DAB1: variants seen among roughly 807,000 people sequenced by gnomAD.
DAB1 encodes disabled homolog 1.
A neutral mutation model predicts 64.6 loss-of-function variants in DAB1; 15 were observed. That is an observed-to-expected ratio of 0.23 (90% confidence interval 0.16 to 0.36). The LOEUF (loss-of-function observed/expected upper bound fraction) is 0.36. Ranked by LOEUF, DAB1 falls within the 10% of genes least tolerant of loss-of-function variation. The pLI is 1.00. For synonymous variants in DAB1, 235 were observed against 251.9 expected, an observed-to-expected ratio of 0.93 and a Z score of 0.64; for missense variants, 596 against 706.7, an observed-to-expected ratio of 0.84 and a Z score of 1.78.
rs182547432 is a variant in DAB1 at position 57,724,518 on chromosome 1, C to T, written n.552-74853G>A. Among the ~76,000 whole-genome samples the T allele has an allele frequency of 2.6e-3, 397 of 152,288 alleles. 1 individual carries two copies. The highest frequency in any genetic ancestry group is 3.1e-3 in the Non-Finnish European group (214 of 68,024). On this transcript the variant is annotated intron_variant and non_coding_transcript_variant, in intron 6 of 20. Transcript: ENST00000485760. ...GAGAATGCCTATTAACTTTTGCATGCTCCCTGCATCAAACCAGGAGTGAAA... is the reference window on the plus strand; with the variant it reads ...GAGAATGCCTATTAACTTTTGCATGTTCCCTGCATCAAACCAGGAGTGAAA...
chr1:57,592,523 A>G (rs1020567862), intron 7 of DAB1, among the ~76,000 whole-genome samples: 2 of 152,202 alleles, frequency 1.3e-5, no homozygotes, highest in African/African-American at 2.4e-5. Flanking sequence ...ATTGGTTGCC[A>G]CATTAGTGAG....
At position 57,550,467 on chromosome 1, in the gene DAB1, C is replaced by T. The variant is rs1644901915; in HGVS notation, n.625+99125G>A. Among the ~76,000 whole-genome samples the T allele has an allele frequency of 2.0e-5, 3 of 152,138 alleles. No homozygotes were observed. The South Asian group carries it at 6.2e-4, about 31-fold the overall frequency. On this transcript the variant is annotated intron_variant and non_coding_transcript_variant, in intron 7 of 20. Transcript: ENST00000485760. ...CTGACCTTTTATACACTCCCCTCTA[C>T]TGAGTATTCACACCTTCAGATCTTT...
intron 3 of DAB1, among the ~76,000 whole-genome samples, chr1:58,357,814 C>T (rs1644125313): frequency 6.6e-6 from 1 of 151,734 alleles, no homozygotes; most frequent in Non-Finnish European, 1.5e-5. Flanking sequence ...CCTGTGAAAT[C>T]CAACATCTAT....
At chr1:58,422,976 T>A (rs1644786897) in intron 3 of DAB1, among the ~76,000 whole-genome samples, 1 of 152,044 alleles carries the variant, frequency 6.6e-6, no homozygotes, top group Admixed American at 6.6e-5. Flanking sequence ...GATAGGTAAG[T>A]TTTATCTTTT....
intron 5 of DAB1, among the ~76,000 whole-genome samples, chr1:57,965,939 G>T (rs1044210985): frequency 7.4e-6 from 1 of 135,622 alleles, no homozygotes; most frequent in Non-Finnish European, 1.5e-5. Flanking sequence ...TTTAAATGGC[G>T]GGGGGGGAGA....
chr1:57,576,679 T>C (rs1645253329), intron 7 of DAB1, among the ~76,000 whole-genome samples: 2 of 152,204 alleles, frequency 1.3e-5, no homozygotes, highest in Non-Finnish European at 2.9e-5. Flanking sequence ...AGATTCAATT[T>C]GAGGTACTTT....
chr1:57,705,874 G>GTTT (rs11375591), intron 6 of DAB1, among the ~76,000 whole-genome samples: 2,086 of 144,770 alleles, frequency 0.014, 61 homozygotes, highest in African/African-American at 0.049. Context: ...CAATACTAGG[G>GTTT]TTTTTTTTTT....
intron 5 of DAB1, among the ~76,000 whole-genome samples, chr1:57,927,353 T>C (rs1010486426): frequency 6.6e-6 from 1 of 152,014 alleles, no homozygotes; most frequent in Non-Finnish European, 1.5e-5. Context: ...AAGTGAACCA[T>C]AACCACCAGG....
At chr1:58,197,248 G>A (rs1657726944) in intron 4 of DAB1, among the ~76,000 whole-genome samples, 1 of 152,164 alleles carries the variant, frequency 6.6e-6, no homozygotes, top group Non-Finnish European at 1.5e-5. Context: ...TCTATTGAAA[G>A]CCTGGACCAG....
intron 1 of DAB1, among the ~76,000 whole-genome samples, chr1:57,343,581 C>T (rs1283979035): frequency 6.6e-6 from 1 of 152,210 alleles, no homozygotes; most frequent in African/African-American, 2.4e-5. Context: ...GCTGCAGGTC[C>T]CGAGCCCTGC....
intron 6 of DAB1, among the ~76,000 whole-genome samples, chr1:57,661,844 G>C (rs1345844083): frequency 1.3e-5 from 2 of 151,904 alleles, no homozygotes; most frequent in Non-Finnish European, 2.9e-5. Context: ...TTCGTGGTTG[G>C]TGGGACCTGC....
At chr1:57,785,265 G>A (rs1021661107) in intron 6 of DAB1, among the ~76,000 whole-genome samples, 1 of 152,108 alleles carries the variant, frequency 6.6e-6, no homozygotes, top group Admixed American at 6.6e-5. Flanking sequence ...ATGGATATGT[G>A]CAAGGAGATG....
intron 3 of DAB1, among the ~76,000 whole-genome samples, chr1:58,416,465 G>T (rs144506069): frequency 1.3e-5 from 2 of 152,274 alleles, no homozygotes; most frequent in African/African-American, 4.8e-5. Flanking sequence ...TGATAAAGGT[G>T]TGGTAATTGT....
chr1:57,176,633 T>C (rs1169961943), intron 2 of DAB1, among the ~76,000 whole-genome samples: 1 of 152,128 alleles, frequency 6.6e-6, no homozygotes, highest in Admixed American at 6.5e-5. Flanking sequence ...TGGTACATGA[T>C]ATGTAAAATC....
chr1:57,912,733 A>C (rs879650105), intron 5 of DAB1, among the ~76,000 whole-genome samples: 1 of 152,234 alleles, frequency 6.6e-6, no homozygotes, highest in Non-Finnish European at 1.5e-5. Flanking sequence ...CTGATAAGCA[A>C]CTTCAGCAAA....
intron 4 of DAB1, among the ~76,000 whole-genome samples, chr1:58,159,404 T>A (rs1055025322): frequency 2.6e-5 from 4 of 152,174 alleles, no homozygotes; most frequent in Admixed American, 6.5e-5. Flanking sequence ...TTCCTATATA[T>A]GAGGCCCAAG....
chr1:57,761,968 G>C (rs992930428), intron 6 of DAB1, among the ~76,000 whole-genome samples: 1 of 152,134 alleles, frequency 6.6e-6, no homozygotes, highest in Admixed American at 6.5e-5. Flanking sequence ...TACCCACCGT[G>C]CCCACAGAAC....
rs538920354 is a variant in DAB1 at position 57,851,725 on chromosome 1, C to T, written n.88-25270G>A. 2.0e-5 allele frequency among the ~76,000 whole-genome samples: 3 copies of T among 152,322 alleles called. No homozygotes were observed. The East Asian group carries it at 5.8e-4, about 29-fold the overall frequency. The stretch of plus-strand genomic sequence containing the variant: ...TTCATTCTCTGGCTTCTGATGTTCT[C>T]CCAGTGCTGGTGGTGTGAAAGCTCC... On this transcript the variant is annotated intron_variant and non_coding_transcript_variant, in intron 1 of 1. Transcript: ENST00000477280.
At chr1:57,290,021 G>A (rs1367001386) in intron 2 of DAB1, among the ~76,000 whole-genome samples, 1 of 152,180 alleles carries the variant, frequency 6.6e-6, no homozygotes, top group Non-Finnish European at 1.5e-5. Context: ...AGATATCTCT[G>A]GCTCCTCTCT....
Sources: gnomAD v4.1 joint callset for allele counts (sites outside exome capture counted in the v4.1 genomes callset) on GRCh38, gnomAD v4.1.1 for gene constraint, MANE v1.5 for transcripts, NCBI Gene and HGNC (gene_info 2026-07-23, HGNC 2026-07-21) for gene names.